Variants in GATA6 observed in about 807,000 individuals in gnomAD.
The protein encoded by GATA6 is transcription factor GATA-6.
In GATA6, 11 loss-of-function variants were observed where a neutral mutation model predicts 48.1. That is an observed-to-expected ratio of 0.23 (90% CI 0.14 to 0.38). GATA6 has a LOEUF of 0.38. Ranked by LOEUF, GATA6 falls within the 10% of genes least tolerant of loss-of-function variation. GATA6 has a pLI of 1.00. For missense variants in GATA6, 795 were observed against 850.3 expected (o/e 0.93, Z 0.81); for synonymous variants, 419 against 396.1 (o/e 1.06, Z -0.69).
rs994278023 is a variant in GATA6, at chr18:22,196,075, T to C, written c.1621-4581T>C. 1.3e-4 allele frequency among the ~76,000 whole-genome samples: 20 copies of C among 152,328 alleles called. No homozygotes were observed. The Middle Eastern group carries it at 0.014, about 104-fold the overall frequency. ...AGAATTTAGCTCCGCCAGCCATGAG[T>C]GAGGGGACTGGTGTTACCATGTAAG... On this transcript the variant is annotated intron_variant, in intron 6 of 6. Transcript: ENST00000269216.
chr18:22,169,705 C>G (rs976424472), intron 1 of GATA6, 23 bp downstream of exon 1: 1 of 152,260 alleles, frequency 6.6e-6, no homozygotes, highest in Non-Finnish European at 1.5e-5. Context: ...CCTCCTCGCG[C>G]GATCTCCCCG....
intron 6 of GATA6, among the ~76,000 whole-genome samples, chr18:22,192,336 C>T (rs973423470): frequency 5.9e-5 from 9 of 152,076 alleles, no homozygotes; most frequent in Admixed American, 3.3e-4. Context: ...TACTTAAATA[C>T]GGGTCTTGGA....
chr18:22,196,749 A>T (rs1482243977), intron 6 of GATA6, among the ~76,000 whole-genome samples: 14 of 152,214 alleles, frequency 9.2e-5, no homozygotes, highest in African/African-American at 3.1e-4. Flanking sequence ...CTCAAAAATA[A>T]AAAATAAAAT....
rs200750884 is a variant in GATA6, at chr18:22,196,746, AT to A, written c.1621-3909del. On this transcript the variant is annotated intron_variant, in intron 6 of 6. Transcript: ENST00000269216. ...GACAGAGCAAGACCCTGTCTCAAAA[AT>A]AAAAAATAAAATAAAAAAGAGAAAG... Among the ~76,000 whole-genome samples the A allele has an allele frequency of 1.2e-3, 178 of 149,176 alleles. 1 individual carries two copies. The highest frequency in any genetic ancestry group is 4.4e-3 in the African/African-American group (170 of 38,600).
At chr18:22,200,221 G>A (rs1247698127) in intron 6 of GATA6, among the ~76,000 whole-genome samples, 5 of 152,184 alleles carry the variant, frequency 3.3e-5, no homozygotes, top group Middle Eastern at 3.4e-3. Context: ...GCATGCGTGC[G>A]CTCTGCATTT....
intron 2 of GATA6, among the ~76,000 whole-genome samples, chr18:22,173,598 T>C (rs544323617): frequency 6.6e-6 from 1 of 152,330 alleles, no homozygotes; most frequent in South Asian, 2.1e-4. Flanking sequence ...GGAACCAATT[T>C]GAACAGCTCT....
At position 22,172,000 on chromosome 18, in the gene GATA6, G is replaced by C; in HGVS notation, c.856G>C (p.Gly286Arg). ...AREPGGYAAA[G>R]SGGAGGVSGG... is the part of the protein sequence containing the mutation. Reference sequence around the variant, plus strand: ...GGAGCCGGGAGGCTACGCGGCGGCGGGCAGTGGGGGCGCGGGAGGCGTGAG... The same window carrying C: ...GGAGCCGGGAGGCTACGCGGCGGCGCGCAGTGGGGGCGCGGGAGGCGTGAG... The change falls in exon 2 of 7, where the codon GGC becomes CGC. Residue 286 changes from glycine to arginine, a missense_variant. Gly to Arg is a moderately radical substitution (Grantham distance 125). Around this residue, in one of 5 missense-constraint regions of GATA6, gnomAD observed 591 missense variants for 570.0 expected, o/e 1.04. Coordinates refer to ENST00000269216, the MANE Select transcript of GATA6 (RefSeq NM_005257.6). This position sits in a 1 kb window ranked among gnomAD's most constrained non-coding sequence, Gnocchi z 7.1. 1 of 1,232,800 alleles carries C rather than the reference G, an allele frequency of 8.1e-7. No individual in the cohort carries two copies. 76.4% of individuals were successfully genotyped at this position (1,232,800 alleles called of 1,614,324 possible).
At chr18:22,197,139 G>T (rs1442359907) in intron 6 of GATA6, among the ~76,000 whole-genome samples, 1 of 148,764 alleles carries the variant, frequency 6.7e-6, no homozygotes, top group Non-Finnish European at 1.5e-5. Context: ...GAGTGCAATG[G>T]TGCAATCTCG....
At chr18:22,176,850 AGGGAAGCCGGGCACCGGGGCTGGG>A in intron 2 of GATA6, 81 bp from the exon 3 acceptor site, 1 of 1,319,358 alleles carries the variant, frequency 7.6e-7, no homozygotes, top group Non-Finnish European at 1.0e-6. Context: ...GGGCACGGGC[AGGGAAGCCGGGCACCGGGGCTGGG>A]GGCCGGGGTC....
intron 4 of GATA6, among the ~76,000 whole-genome samples, chr18:22,182,227 C>A (rs1222853518): frequency 1.3e-5 from 2 of 152,124 alleles, no homozygotes; most frequent in African/African-American, 4.8e-5. Context: ...GAATTAAATT[C>A]TCCTTGGCAA....
chr18:22,178,592 T>C (rs1252140566), intron 3 of GATA6, among the ~76,000 whole-genome samples: 2 of 152,240 alleles, frequency 1.3e-5, no homozygotes, highest in Admixed American at 1.3e-4. Flanking sequence ...AATGTAAGTC[T>C]GACACCTTAA....
At chr18:22,184,235 T>C (rs950696957) in intron 6 of GATA6, among the ~76,000 whole-genome samples, 1 of 152,206 alleles carries the variant, frequency 6.6e-6, no homozygotes, top group Non-Finnish European at 1.5e-5. Context: ...AAAATTATAT[T>C]TGATATTTTT....
chr18:22,176,108 T>C (rs2033118458), intron 2 of GATA6, among the ~76,000 whole-genome samples: 1 of 152,206 alleles, frequency 6.6e-6, no homozygotes, highest in African/African-American at 2.4e-5. Context: ...ATAATAATAA[T>C]AAAATTATGT....
intron 6 of GATA6, among the ~76,000 whole-genome samples, chr18:22,194,260 A>G (rs2033363243): frequency 6.6e-6 from 1 of 152,210 alleles, no homozygotes; most frequent in African/African-American, 2.4e-5. Context: ...TTCAGTGCTA[A>G]GCCCAGGCTG....
intron 6 of GATA6, among the ~76,000 whole-genome samples, chr18:22,197,614 C>T (rs1219550416): frequency 6.6e-6 from 1 of 152,190 alleles, no homozygotes. Flanking sequence ...CTTCCCTTTA[C>T]GGAATGTTTA....
rs570291679 is a variant in GATA6 at position 22,170,183 on chromosome 18, C to T, written c.-38+501C>T. Among the ~76,000 whole-genome samples the T allele has an allele frequency of 6.6e-6, 1 of 152,188 alleles. No individual in the cohort carries two copies. Among genetic ancestry groups the T allele is most frequent in the Non-Finnish European group, 1.5e-5 (1 of 68,020 alleles). ...GCTCTGGGGCGGTCTCACGCTCCCC[C>T]CTCCCCAGCCCGTTGCGTTCCCCCT... On this transcript the variant is annotated intron_variant, in intron 1 of 6. Transcript: ENST00000269216. The surrounding 1 kb of genome is among the most constrained non-coding windows in gnomAD (Gnocchi z 6.7).
intron 6 of GATA6, among the ~76,000 whole-genome samples, chr18:22,192,143 G>C (rs1013825514): frequency 6.6e-6 from 1 of 152,228 alleles, no homozygotes; most frequent in Non-Finnish European, 1.5e-5. Context: ...GATTCCAGCA[G>C]CCAGGCGCTA....
rs1455882264 is a variant in GATA6 at position 22,171,759 on chromosome 18, G to C, written c.615G>C (p.Leu205=). The change falls in exon 2 of 7, where the codon CTG becomes CTC. Residue 205 remains leucine, a synonymous_variant. Transcript: ENST00000269216. This position sits in a 1 kb window ranked among gnomAD's most constrained non-coding sequence, Gnocchi z 7.1. ...GSMLPGLPYH[L]QGSGSGPANH... ...TGCTGCCCGGCCTACCGTACCACCT[G>C]CAGGGGTCGGGCAGTGGGCCAGCCA... 2 of 1,425,562 alleles carry C rather than the reference G, an allele frequency of 1.4e-6. No homozygotes were observed. The highest frequency in any genetic ancestry group is 1.8e-6 in the Non-Finnish European group (2 of 1,100,120). 88.3% of individuals were successfully genotyped at this position (1,425,562 alleles called of 1,614,324 possible). A position where few individuals can be genotyped will look rare whatever the true frequency, so the allele number is the denominator to read the frequency against.
intron 4 of GATA6, 54 bp downstream of exon 4, chr18:22,181,632 T>C (rs762777966): frequency 7.5e-6 from 12 of 1,597,364 alleles, no homozygotes; most frequent in Non-Finnish European, 1.0e-5. Context: ...GGTTTGTATG[T>C]GATATCAGTT....
Sources: allele counts gnomAD v4.1 joint callset (sites outside exome capture counted in the v4.1 genomes callset), GRCh38; gene constraint gnomAD v4.1.1; regional missense constraint gnomAD v4.1.1; non-coding constraint Gnocchi (gnomAD v3.1); transcripts MANE v1.5; gene names NCBI Gene and HGNC (gene_info 2026-07-23, HGNC 2026-07-21).